The following PDE10A variants were observed in gnomAD, a reference collection of about 807,000 sequenced individuals.
The protein encoded by PDE10A is phosphodiesterase 10A, also known as cAMP and cAMP-inhibited cGMP 3',5'-cyclic phosphodiesterase 10A.
Under a neutral mutation model 97.7 loss-of-function variants are expected in PDE10A, and 39 were observed. That is an observed-to-expected ratio of 0.40 (90% confidence interval 0.31 to 0.52). The LOEUF (loss-of-function observed/expected upper bound fraction) is 0.52, where lower values mean the gene tolerates loss of function less well. PDE10A is among the 20% of genes least tolerant of loss of function. PDE10A has a pLI of 0.56. For missense variants in PDE10A, 731 were observed against 1,047.8 expected (o/e 0.70, Z 4.17); for synonymous variants, 371 against 376.8 (o/e 0.98, Z 0.18).
intron 18 of PDE10A, among the ~76,000 whole-genome samples, chr6:165,350,823 A>T (rs1782642688): frequency 6.6e-6 from 1 of 152,088 alleles, no homozygotes; most frequent in Non-Finnish European, 1.5e-5. Context: ...GCACTCATTC[A>T]TCTCCCTCCT....
chr6:165,396,603 G>C, intron 13 of PDE10A, 144 bp from the exon 14 acceptor site: 1 of 725,688 alleles, frequency 1.4e-6, no homozygotes. Flanking sequence ...ATTTCCATAT[G>C]CACTGGGATG....
chr6:165,961,263 T>G (rs1784352127), intron 1 of PDE10A, among the ~76,000 whole-genome samples: 1 of 152,206 alleles, frequency 6.6e-6, no homozygotes, highest in Admixed American at 6.5e-5. Flanking sequence ...CTACATAGCA[T>G]GATGGCCTTG....
chr6:165,982,546 A>G (rs1027147728), intron 1 of PDE10A, among the ~76,000 whole-genome samples: 2 of 152,228 alleles, frequency 1.3e-5, no homozygotes, highest in African/African-American at 4.8e-5. Context: ...TACTAAGAGA[A>G]CAGGTTTCTA....
chr6:165,370,822 C>G (rs372559466), intron 18 of PDE10A, among the ~76,000 whole-genome samples: 1 of 149,716 alleles, frequency 6.7e-6, no homozygotes, highest in Admixed American at 6.7e-5. Flanking sequence ...TGACCACATA[C>G]TTGGAAGTAA....
chr6:165,723,164 C>G (rs1029871096), intron 1 of PDE10A, among the ~76,000 whole-genome samples: 1 of 152,104 alleles, frequency 6.6e-6, no homozygotes. Flanking sequence ...TACTGAGAAC[C>G]GTGGTCACAG....
chr6:165,552,372 C>T (rs1042626370), intron 1 of PDE10A, among the ~76,000 whole-genome samples: 5 of 152,334 alleles, frequency 3.3e-5, no homozygotes, highest in African/African-American at 9.6e-5. Context: ...AGGACTTTGG[C>T]TCTGGGGGTG....
At chr6:165,953,384 A>G (rs1460630242) in intron 1 of PDE10A, among the ~76,000 whole-genome samples, 1 of 152,186 alleles carries the variant, frequency 6.6e-6, no homozygotes, top group Admixed American at 6.5e-5. Flanking sequence ...TGAGGTCAGG[A>G]GTTCAAGACT....
chr6:165,869,794 TA>T (rs1781150978), intron 1 of PDE10A, among the ~76,000 whole-genome samples: 1 of 152,022 alleles, frequency 6.6e-6, no homozygotes, highest in Admixed American at 6.6e-5. Context: ...CAAATCCATG[TA>T]TTTACAGCAA....
chr6:165,804,475 T>G (rs77055593), intron 1 of PDE10A, among the ~76,000 whole-genome samples: 6,116 of 152,254 alleles, frequency 0.04, 179 homozygotes, highest in Middle Eastern at 0.092. Flanking sequence ...CCTTGTATTG[T>G]GCGGTGGGGA....
intron 3 of PDE10A, among the ~76,000 whole-genome samples, chr6:165,458,331 T>C (rs221743): frequency 0.24 from 35,980 of 152,008 alleles, 4,512 homozygotes; most frequent in South Asian, 0.38. Context: ...GGTGGGAGCT[T>C]CAGGGGAGTG....
intron 3 of PDE10A, among the ~76,000 whole-genome samples, chr6:165,454,747 C>T (rs970723653): frequency 2.6e-5 from 4 of 152,172 alleles, no homozygotes; most frequent in African/African-American, 4.8e-5. Context: ...TGTAGTATTC[C>T]GGTATAGCAA....
chr6:165,501,098 C>G (rs1210253094), intron 2 of PDE10A, among the ~76,000 whole-genome samples: 2 of 152,136 alleles, frequency 1.3e-5, no homozygotes, highest in East Asian at 3.9e-4. Context: ...AGACCATTGC[C>G]GGCTCGGGTC....
chr6:165,759,489 T>G (rs1268142817), intron 1 of PDE10A, among the ~76,000 whole-genome samples: 1 of 152,172 alleles, frequency 6.6e-6, no homozygotes, highest in African/African-American at 2.4e-5. Context: ...TTTTCTCTGA[T>G]GGAGAGAAGG....
chr6:165,900,193 G>A (rs574030579), intron 1 of PDE10A, among the ~76,000 whole-genome samples: 10 of 152,248 alleles, frequency 6.6e-5, no homozygotes, highest in South Asian at 2.1e-4. Flanking sequence ...ACATCTGGGC[G>A]GGGCGCAGTG....
rs1178501854 is a variant in PDE10A, at chr6:165,857,730, TGTGTGTGA to T, written c.-615+129791_-615+129798del. Among the ~76,000 whole-genome samples the T allele has an allele frequency of 4.1e-3, 495 of 120,308 alleles. 12 individuals are homozygous for T. The East Asian group carries it at 0.12, about 30-fold the overall frequency. The allele number at this position is 120,308 out of a possible 152,430, so 78.9% of individuals were successfully genotyped here. ...GTGTGTGTGTGTGTGTGTGTGTGTG[TGTGTGTGA>T]AGAATGATTGTGCTCTTTGGGGCAA... On this transcript the variant is annotated intron_variant, in intron 1 of 19. Coordinates refer to the PDE10A transcript ENST00000366882.
chr6:165,876,433 T>C (rs1781347953), intron 1 of PDE10A, among the ~76,000 whole-genome samples: 1 of 152,106 alleles, frequency 6.6e-6, no homozygotes, highest in Non-Finnish European at 1.5e-5. Flanking sequence ...TAGACTAAAG[T>C]CTCAAACAGT....
chr6:165,942,537 C>T (rs1783562869), intron 1 of PDE10A, among the ~76,000 whole-genome samples: 1 of 152,026 alleles, frequency 6.6e-6, no homozygotes, highest in Admixed American at 6.5e-5. Context: ...GACAGTGGGC[C>T]CTGCCATGTG....
At chr6:165,767,159 A>C (rs764077231) in intron 1 of PDE10A, among the ~76,000 whole-genome samples, 1 of 152,174 alleles carries the variant, frequency 6.6e-6, no homozygotes, top group Non-Finnish European at 1.5e-5. Context: ...CTTTGCCTTA[A>C]GTTCCCTAAA....
intron 13 of PDE10A, among the ~76,000 whole-genome samples, chr6:165,404,609 G>A (rs1253868685): frequency 1.3e-5 from 2 of 152,008 alleles, no homozygotes; most frequent in Non-Finnish European, 2.9e-5. Flanking sequence ...CTGAGCATGA[G>A]GGTCTCTCAC....
Sources: gnomAD v4.1 joint callset for allele counts (sites outside exome capture counted in the v4.1 genomes callset) on GRCh38, gnomAD v4.1.1 for gene constraint, MANE v1.5 for transcripts, NCBI Gene and HGNC (gene_info 2026-07-23, HGNC 2026-07-21) for gene names.